Variants in ABTB3 observed in about 807,000 individuals in gnomAD.
The protein encoded by ABTB3 is ankyrin repeat and BTB domain containing 3.
the ABTB3 span, among the ~76,000 whole-genome samples, chr12:107,434,367 G>A: frequency 1.3e-5 from 2 of 152,214 alleles, no homozygotes; most frequent in Non-Finnish European, 2.9e-5. Context: ...CACTGAAGTG[G>A]TAAGTCAAGG....
the ABTB3 span, among the ~76,000 whole-genome samples, chr12:107,589,346 T>C: frequency 1.3e-5 from 2 of 152,198 alleles, no homozygotes. Context: ...TGAGATCTGG[T>C]GTGTCTTGGA....
the ABTB3 span, among the ~76,000 whole-genome samples, chr12:107,514,610 C>T: frequency 6.6e-6 from 1 of 152,166 alleles, no homozygotes; most frequent in African/African-American, 2.4e-5. Flanking sequence ...GACACTAAAA[C>T]ATGATGCTAG....
the ABTB3 span, among the ~76,000 whole-genome samples, chr12:107,497,944 A>G: frequency 6.6e-6 from 1 of 151,842 alleles, no homozygotes; most frequent in Non-Finnish European, 1.5e-5. Context: ...CTTTTTTCCC[A>G]TGTCAGGAGG....
At chr12:107,417,587 G>A in the ABTB3 span, among the ~76,000 whole-genome samples, 1 of 152,334 alleles carries the variant, frequency 6.6e-6, no homozygotes, top group East Asian at 1.9e-4. Flanking sequence ...ACCTCTCTGT[G>A]CTTTGGTGGT....
At chr12:107,593,098 C>T in the ABTB3 span, among the ~76,000 whole-genome samples, 1 of 152,158 alleles carries the variant, frequency 6.6e-6, no homozygotes, top group Non-Finnish European at 1.5e-5. Flanking sequence ...ATCCTGTTTC[C>T]TGTAACTCTC....
At chr12:107,500,248 C>T in the ABTB3 span, among the ~76,000 whole-genome samples, 1 of 152,194 alleles carries the variant, frequency 6.6e-6, no homozygotes, top group African/African-American at 2.4e-5. Context: ...GAGGGAAGAG[C>T]CTGCGCCCGC....
At chr12:107,510,221 C>A in the ABTB3 span, among the ~76,000 whole-genome samples, 208 of 152,250 alleles carry the variant, frequency 1.4e-3, 1 homozygote, top group African/African-American at 4.6e-3. Context: ...AGGACCCCCC[C>A]ACCCTTTACA....
chr12:107,532,581 C>A, the ABTB3 span, among the ~76,000 whole-genome samples: 1 of 152,158 alleles, frequency 6.6e-6, no homozygotes, highest in Non-Finnish European at 1.5e-5. Flanking sequence ...AGAAAAAGCA[C>A]CTGCATAGGA....
the ABTB3 span, among the ~76,000 whole-genome samples, chr12:107,352,838 G>A: frequency 6.6e-6 from 1 of 152,226 alleles, no homozygotes; most frequent in South Asian, 2.1e-4. Flanking sequence ...GAATGAGTGG[G>A]TTTGAGTACT....
At chr12:107,434,172 G>A in the ABTB3 span, among the ~76,000 whole-genome samples, 2 of 152,248 alleles carry the variant, frequency 1.3e-5, no homozygotes, top group Non-Finnish European at 2.9e-5. Context: ...GGTAGCCAGT[G>A]TAGAACACAT....
chr12:107,479,626 TG>T, the ABTB3 span, among the ~76,000 whole-genome samples: 1 of 152,102 alleles, frequency 6.6e-6, no homozygotes, highest in East Asian at 1.9e-4. Context: ...GTCCCTTAAT[TG>T]GTTATTATCA....
At chr12:107,358,975 C>T in the ABTB3 span, among the ~76,000 whole-genome samples, 2 of 152,210 alleles carry the variant, frequency 1.3e-5, no homozygotes, top group Admixed American at 6.5e-5. Flanking sequence ...CCAGGCCAGG[C>T]CTGACTACCC....
the ABTB3 span, chr12:107,657,533 G>A: frequency 3.1e-3 from 5,041 of 1,614,142 alleles, 141 homozygotes; most frequent in African/African-American, 0.06. Flanking sequence ...AGAGCTCTCA[G>A]CATATTGCGA....
At chr12:107,479,477 G>T in the ABTB3 span, among the ~76,000 whole-genome samples, 1 of 152,194 alleles carries the variant, frequency 6.6e-6, no homozygotes, top group Non-Finnish European at 1.5e-5. Context: ...TAGGGCTGTT[G>T]TGAGGGTTAT....
chr12:107,455,409 G>GA, the ABTB3 span, among the ~76,000 whole-genome samples: 85 of 151,924 alleles, frequency 5.6e-4, no homozygotes, highest in African/African-American at 1.9e-3. Context: ...CTCAGTGGGG[G>GA]ATCTTACAAG....
the ABTB3 span, among the ~76,000 whole-genome samples, chr12:107,346,610 G>A: frequency 6.6e-6 from 1 of 151,958 alleles, no homozygotes; most frequent in East Asian, 1.9e-4. Context: ...CAGGTGTGTG[G>A]CACCACGCCT....
chr12:107,389,370 T>C, the ABTB3 span, among the ~76,000 whole-genome samples: 1 of 152,200 alleles, frequency 6.6e-6, no homozygotes, highest in Admixed American at 6.5e-5. Context: ...TCATCTTAGT[T>C]TACAGGTAGG....
At chr12:107,553,019 G>T in the ABTB3 span, among the ~76,000 whole-genome samples, 3 of 152,286 alleles carry the variant, frequency 2.0e-5, no homozygotes, top group South Asian at 6.2e-4. Flanking sequence ...TTTTGGTACT[G>T]GTTCTTGCAT....
the ABTB3 span, chr12:107,543,894 T>C: frequency 8.4e-6 from 13 of 1,556,520 alleles, no homozygotes; most frequent in Non-Finnish European, 1.1e-5. Flanking sequence ...TCTGCCAATG[T>C]TGGCTTCCTG....
Sources: allele counts gnomAD v4.1 joint callset (sites outside exome capture counted in the v4.1 genomes callset), GRCh38; gene constraint gnomAD v4.1.1; transcripts MANE v1.5; gene names NCBI Gene and HGNC (gene_info 2026-07-23, HGNC 2026-07-21).